Variants in YIPF1 observed in about 807,000 individuals in gnomAD.
YIPF1 encodes Yip1 domain family member 1, also known as protein YIPF1.
YIPF1 carries 22 observed loss-of-function variants against 37.0 expected under a neutral mutation model. The ratio of observed to expected loss-of-function variants is 0.59; its 90% CI spans 0.42 to 0.85. The LOEUF is 0.85. Ranked by LOEUF, YIPF1 falls within the 40% of genes least tolerant of loss-of-function variation. The pLI is 0.00. For synonymous variants in YIPF1, 128 were observed against 131.9 expected (o/e 0.97, Z 0.21); for missense variants, 355 against 373.1 (o/e 0.95, Z 0.40).
chr1:53,861,701 G>A (rs574501606), intron 9 of YIPF1, among the ~76,000 whole-genome samples: 2 of 145,906 alleles, frequency 1.4e-5, no homozygotes, highest in East Asian at 2.1e-4. Flanking sequence ...AGGGAGGGAG[G>A]GAGGGAGGGA....
In YIPF1 at chr1:53,866,185, C is replaced by T. The variant is rs770019729; in HGVS notation, c.831+15G>A. ...ATATAAAACACACCAAAAGAATATA[C>T]GACTGAACCCATACCAAGCAGCCCA... On this transcript the variant is annotated intron_variant, in intron 9 of 10. Coordinates refer to ENST00000072644, the MANE Select transcript of YIPF1 (RefSeq NM_018982.5). 47 of 1,611,170 alleles carry T rather than the reference C, an allele frequency of 2.9e-5. 1 individual carries two copies. The South Asian group carries it at 3.4e-4, about 12-fold the overall frequency.
At chr1:53,862,767 T>C (rs1380842060) in intron 9 of YIPF1, among the ~76,000 whole-genome samples, 1 of 152,200 alleles carries the variant, frequency 6.6e-6, no homozygotes, top group East Asian at 1.9e-4. Context: ...TGACTCGTCA[T>C]ATTTTCCATG....
chr1:53,872,065 G>A (rs1650207539), intron 6 of YIPF1, among the ~76,000 whole-genome samples: 1 of 149,698 alleles, frequency 6.7e-6, no homozygotes. Context: ...TAATGAAAAA[G>A]TAATACAATG....
intron 7 of YIPF1, among the ~76,000 whole-genome samples, chr1:53,868,164 C>T (rs1299269533): frequency 6.6e-6 from 1 of 152,248 alleles, no homozygotes; most frequent in Non-Finnish European, 1.5e-5. Context: ...AAATGTAATT[C>T]TGCTGATGTA....
At position 53,870,175 on chromosome 1, in the gene YIPF1, T is replaced by C. The variant is rs900505680; in HGVS notation, c.481+1197A>G. ...CACCGGGTCTCTTTTTTTTTTTTTT[T>C]TTTTTTTTTTTTTTGAGACAGTGAC... On this transcript the variant is annotated intron_variant, in intron 7 of 10. Transcript: ENST00000072644. Among the ~76,000 whole-genome samples, 7 of 130,304 alleles carry C rather than the reference T, an allele frequency of 5.4e-5. 1 individual carries two copies. The highest frequency in any genetic ancestry group is 2.1e-4 in the African/African-American group (7 of 33,608). 85.5% of individuals were successfully genotyped at this position (130,304 alleles called of 152,430 possible).
chr1:53,884,080 C>T (rs1650574839), intron 3 of YIPF1, among the ~76,000 whole-genome samples: 2 of 150,636 alleles, frequency 1.3e-5, no homozygotes, highest in Admixed American at 6.6e-5. Flanking sequence ...GGATAAAAAC[C>T]ACTCTTAGGC....
chr1:53,861,474 G>A (rs1045002385), intron 9 of YIPF1, among the ~76,000 whole-genome samples: 4 of 152,060 alleles, frequency 2.6e-5, no homozygotes, highest in Admixed American at 6.6e-5. Context: ...CTGTGACTTT[G>A]GACAAGTCGC....
intron 6 of YIPF1, among the ~76,000 whole-genome samples, chr1:53,876,888 T>G (rs1650350194): frequency 6.6e-6 from 1 of 152,220 alleles, no homozygotes; most frequent in African/African-American, 2.4e-5. Context: ...GCAAGTTATC[T>G]CCTTAATCTC....
intron 3 of YIPF1, among the ~76,000 whole-genome samples, chr1:53,884,305 AAC>A (rs1417914086): frequency 6.6e-6 from 1 of 151,984 alleles, no homozygotes; most frequent in Non-Finnish European, 1.5e-5. Flanking sequence ...AAACACTATT[AAC>A]ATTTTAGTAT....
intron 10 of YIPF1, chr1:53,855,113 T>C (rs1240745884): frequency 6.6e-6 from 1 of 150,728 alleles, no homozygotes; most frequent in East Asian, 2.0e-4. Context: ...CTCTTGACAA[T>C]GTGAGCGAGT....
chr1:53,866,610 C>G, intron 8 of YIPF1, 148 bp downstream of exon 8: 1 of 1,126,590 alleles, frequency 8.9e-7, no homozygotes, highest in Non-Finnish European at 1.2e-6. Flanking sequence ...AGACCCCTTT[C>G]ATGCTTAACT....
rs200571191 is a variant in YIPF1, at chr1:53,888,228, GAAACAAAC to G, written c.31+671_31+678del. Among the ~76,000 whole-genome samples, 73 of 152,098 alleles carry G rather than the reference GAAACAAAC, an allele frequency of 4.8e-4. 1 individual carries two copies. The highest frequency in any genetic ancestry group is 1.7e-3 in the African/African-American group (71 of 41,442). On this transcript the variant is annotated intron_variant, in intron 3 of 10. Coordinates refer to ENST00000072644, the MANE Select transcript of YIPF1 (RefSeq NM_018982.5). Reference sequence around the variant, plus strand: ...GCAACAGAGTGAGACTCCATCAAAAGAAACAAACAAACAAACAAACAAGTGTTCATCAA... The same window carrying G: ...GCAACAGAGTGAGACTCCATCAAAAGAAACAAACAAACAAGTGTTCATCAA...
At chr1:53,856,977 C>A (rs184046297) in intron 10 of YIPF1, among the ~76,000 whole-genome samples, 1 of 152,152 alleles carries the variant, frequency 6.6e-6, no homozygotes, top group Non-Finnish European at 1.5e-5. Flanking sequence ...TATAGGACAG[C>A]AACTTCCATC....
chr1:53,882,838 C>T, intron 4 of YIPF1: 1 of 258,010 alleles, frequency 3.9e-6, no homozygotes, highest in Admixed American at 5.5e-5. Context: ...CATGAAGGTT[C>T]TTTCCTACTC....
chr1:53,883,189 T>C lies in YIPF1; in HGVS notation c.119A>G (p.Gln40Arg). 2 of 1,603,294 alleles carry C rather than the reference T, an allele frequency of 1.2e-6. No individual in the cohort carries two copies. Among genetic ancestry groups the C allele is most frequent in the South Asian group, 2.2e-5 (2 of 88,922 alleles). ...TCCTGAGCCTCTTGGGGATCCTGGC[T>C]GATGTTTTGGGGTTTCACCAGGATC... is the stretch of plus-strand genomic sequence containing the variant. ...IEDPGETPKH[Q>R]PGSPRGSGRE... The change falls in exon 4 of 11, where the codon CAG becomes CGG. Residue 40 changes from glutamine (Q) to arginine (R), a missense_variant. Coordinates refer to ENST00000072644, the MANE Select transcript of YIPF1 (RefSeq NM_018982.5).
intron 9 of YIPF1, among the ~76,000 whole-genome samples, chr1:53,865,661 GACCCCAA>G (rs1316546988): frequency 5.3e-5 from 8 of 152,098 alleles, no homozygotes; most frequent in Non-Finnish European, 1.0e-4. Context: ...CCTCTGGTCA[GACCCCAA>G]ATTCTCATCA....
chr1:53,887,809 TCA>T (rs1650695007), intron 3 of YIPF1, among the ~76,000 whole-genome samples: 3 of 152,352 alleles, frequency 2.0e-5, no homozygotes, highest in African/African-American at 7.2e-5. Flanking sequence ...TTTCTGTGCC[TCA>T]GTCTCCTCAT....
At chr1:53,857,306 G>A (rs1286280048) in intron 10 of YIPF1, among the ~76,000 whole-genome samples, 4 of 152,226 alleles carry the variant, frequency 2.6e-5, no homozygotes, top group Non-Finnish European at 5.9e-5. Context: ...CTGTGAGAAT[G>A]TGTATTGTGG....
chr1:53,879,723 C>T (rs1650438016), intron 4 of YIPF1, among the ~76,000 whole-genome samples: 1 of 152,124 alleles, frequency 6.6e-6, no homozygotes, highest in African/African-American at 2.4e-5. Context: ...ATTTTTTGTT[C>T]ATTATAAAGG....
Sources: allele counts gnomAD v4.1 joint callset (sites outside exome capture counted in the v4.1 genomes callset), GRCh38; gene constraint gnomAD v4.1.1; transcripts MANE v1.5; gene names NCBI Gene and HGNC (gene_info 2026-07-23, HGNC 2026-07-21).